Variants in DYNC2H1 observed in about 807,000 individuals in gnomAD.
DYNC2H1 encodes cytoplasmic dynein 2 heavy chain 1.
In DYNC2H1, 410 loss-of-function variants were observed where a neutral mutation model predicts 570.0. The observed-to-expected ratio is 0.72, with a 90% CI of 0.66 to 0.78. DYNC2H1 has a LOEUF of 0.78. Ranked by LOEUF, DYNC2H1 falls within the 30% of genes least tolerant of loss-of-function variation. DYNC2H1 has a pLI of 0.00. For missense variants in DYNC2H1, 4,865 were observed against 5,046.4 expected, an observed-to-expected ratio of 0.96 and a Z score of 1.09; for synonymous variants, 1,688 against 1,677.6, an observed-to-expected ratio of 1.01 and a Z score of -0.15.
At chr11:103,428,365 T>C (rs568162319) in intron 84 of DYNC2H1, among the ~76,000 whole-genome samples, 1 of 152,140 alleles carries the variant, frequency 6.6e-6, no homozygotes, top group East Asian at 1.9e-4. Flanking sequence ...TAGTCTATAT[T>C]CAATGAGCTC....
Position 103,468,702 on chromosome 11 carries a change from A to G in DYNC2H1, c.12762A>G (p.Pro4254=). 1 of 1,603,816 alleles carries G rather than the reference A, an allele frequency of 6.2e-7. No individual in the cohort carries two copies. The highest frequency in any genetic ancestry group is 1.1e-5 in the South Asian group (1 of 90,168). Residue 4254 remains proline, a synonymous_variant, in exon 88 of 89, where the codon CCA becomes CCG. Coordinates refer to ENST00000375735, the MANE Select transcript of DYNC2H1 (RefSeq NM_001377.3). Reference sequence around the variant, plus strand: ...TCCCTTGTTTTATGGGCTGGATTCCACAGGTAATACATTTTTAACAAGCAC... The same window carrying G: ...TCCCTTGTTTTATGGGCTGGATTCCGCAGGTAATACATTTTTAACAAGCAC... ...SVLPCFMGWI[P]QDACGPYSPD...
At chr11:103,260,539 G>T (rs1865231279) in intron 70 of DYNC2H1, among the ~76,000 whole-genome samples, 1 of 151,862 alleles carries the variant, frequency 6.6e-6, no homozygotes, top group Non-Finnish European at 1.5e-5. Flanking sequence ...TATTACGTGT[G>T]TTCCAGAAGA....
chr11:103,271,474 A>C (rs1228950637), intron 70 of DYNC2H1, among the ~76,000 whole-genome samples: 3 of 152,196 alleles, frequency 2.0e-5, no homozygotes, highest in African/African-American at 7.2e-5. Context: ...TTTCTTTTAT[A>C]CTTTTCATTG....
At chr11:103,294,285 T>C (rs1866732664) in intron 75 of DYNC2H1, among the ~76,000 whole-genome samples, 1 of 152,202 alleles carries the variant, frequency 6.6e-6, no homozygotes, top group African/African-American at 2.4e-5. Flanking sequence ...CATCATTGTC[T>C]GGACATTGAA....
chr11:103,293,956 A>C (rs577487767), intron 75 of DYNC2H1, among the ~76,000 whole-genome samples: 1 of 152,204 alleles, frequency 6.6e-6, no homozygotes, highest in East Asian at 1.9e-4. Flanking sequence ...AGGCGCCTCT[A>C]ATCCCAGCTA....
intron 85 of DYNC2H1, among the ~76,000 whole-genome samples, chr11:103,450,312 T>G (rs185859482): frequency 4.3e-4 from 66 of 152,298 alleles, no homozygotes; most frequent in African/African-American, 1.5e-3. Context: ...AGATAGCAGA[T>G]CAGTAAAGAT....
intron 17 of DYNC2H1, among the ~76,000 whole-genome samples, chr11:103,136,986 G>A (rs982481213): frequency 6.6e-6 from 1 of 151,350 alleles, no homozygotes; most frequent in African/African-American, 2.4e-5. Flanking sequence ...GTGATGGTGA[G>A]CATTTTTTCA....
At position 103,243,860 on chromosome 11, in the gene DYNC2H1, A is replaced by G. The variant is rs1313398371; in HGVS notation, c.9918+69A>G. On this transcript the variant is annotated intron_variant, in intron 64 of 88. Transcript: ENST00000375735. This position sits in a 1 kb window ranked among gnomAD's most constrained non-coding sequence, Gnocchi z 4.8. ...TTATAGTGAAAAGATCTTGGAGTCT[A>G]TAATCAGAAAACATAGATTCAACAC... 1.6e-6 allele frequency: 2 copies of G among 1,247,072 alleles called. No homozygotes were observed. Among genetic ancestry groups the G allele is most frequent in the South Asian group, 1.6e-5 (1 of 64,378 alleles). The allele number at this position is 1,247,072 out of a possible 1,614,324, so 77.3% of individuals were successfully genotyped here. A position where few individuals can be genotyped will look rare whatever the true frequency, so the allele number is the denominator to read the frequency against.
chr11:103,120,551 GA>G lies in DYNC2H1; in HGVS notation c.1106del (p.Asn369IlefsTer31). 6.2e-7 allele frequency: 1 copy of G among 1,613,054 alleles called. No individual in the cohort carries two copies. Among genetic ancestry groups the G allele is most frequent in the Non-Finnish European group, 8.5e-7 (1 of 1,179,434 alleles). Reference protein sequence around the residue: ...TRVFEPFTGLNPVQYNPYTEP... With the variant: ...TRVFEPFTGLXPVQYNPYTEP... ...GAGTATTTGAACCTTTTACTGGCCT[GA>G]ATCCTGTGCAATATAATCCATATAC... On this transcript the variant is annotated frameshift_variant, in exon 7 of 89. Transcript: ENST00000375735. LOFTEE classifies it high-confidence loss of function.
At position 103,477,101 on chromosome 11, in the gene DYNC2H1, A is replaced by G; in HGVS notation, c.12766-1994A>G. Among the ~76,000 whole-genome samples, 2 of 152,218 alleles carry G rather than the reference A, an allele frequency of 1.3e-5. 1 individual carries two copies. Among genetic ancestry groups the G allele is most frequent in the Non-Finnish European group, 2.9e-5 (2 of 68,040 alleles). ...CTATAATAGTGAAACTGATGTTCGG[A>G]GAGTAACCTCTACAGGGTCAGGAGC... On this transcript the variant is annotated intron_variant, in intron 88 of 88. Transcript: ENST00000375735.
At chr11:103,124,535 T>C (rs1031526260) in intron 11 of DYNC2H1, among the ~76,000 whole-genome samples, 1 of 151,900 alleles carries the variant, frequency 6.6e-6, no homozygotes, top group African/African-American at 2.4e-5. Context: ...CTGAATTTAG[T>C]TCAAGCATTT....
Position 103,160,971 on chromosome 11 carries a change from T to A in DYNC2H1, c.4418T>A (p.Ile1473Lys). Reference sequence around the variant, plus strand: ...TGCTTTGATGAGAAATCAAAACATATAACTGCAATGAAATCTTTAGAGGGA... The same window carrying A: ...TGCTTTGATGAGAAATCAAAACATAAAACTGCAATGAAATCTTTAGAGGGA... ...SVCFDEKSKH[I>K]TAMKSLEGEV... is the part of the protein sequence containing the mutation. The change falls in exon 29 of 89, where the codon ATA becomes AAA. Residue 1473 changes from isoleucine (I) to lysine (K), a missense_variant. Transcript: ENST00000375735. 6.4e-7 allele frequency: 1 copy of A among 1,573,110 alleles called. No individual in the cohort carries two copies. Among genetic ancestry groups the A allele is most frequent in the Non-Finnish European group, 8.6e-7 (1 of 1,162,504 alleles).
At chr11:103,443,848 A>T (rs1944347389) in intron 85 of DYNC2H1, among the ~76,000 whole-genome samples, 1 of 151,932 alleles carries the variant, frequency 6.6e-6, no homozygotes, top group African/African-American at 2.4e-5. Flanking sequence ...GGATATTTTT[A>T]AAATATTTGA....
chr11:103,118,962 T>G (rs996621512), intron 6 of DYNC2H1, among the ~76,000 whole-genome samples: 1 of 152,064 alleles, frequency 6.6e-6, no homozygotes, highest in Non-Finnish European at 1.5e-5. Flanking sequence ...CATGAAGAGT[T>G]ACAAAATGGT....
chr11:103,464,768 A>C (rs1945139652), intron 87 of DYNC2H1, among the ~76,000 whole-genome samples: 1 of 152,184 alleles, frequency 6.6e-6, no homozygotes, highest in Admixed American at 6.5e-5. Flanking sequence ...GACCACAAGA[A>C]TTCACCACTC....
intron 13 of DYNC2H1, among the ~76,000 whole-genome samples, chr11:103,130,804 A>C (rs1427499296): frequency 6.6e-6 from 1 of 152,176 alleles, no homozygotes; most frequent in Non-Finnish European, 1.5e-5. Context: ...TGAGGAGGAA[A>C]CTTATTTTGT....
At chr11:103,150,483 C>T (rs920305951) in intron 20 of DYNC2H1, among the ~76,000 whole-genome samples, 21 of 152,040 alleles carry the variant, frequency 1.4e-4, no homozygotes, top group Non-Finnish European at 2.4e-4. Context: ...TTGGCTTGAG[C>T]AGCTGGGAAA....
At chr11:103,265,066 A>G (rs1408579486) in intron 70 of DYNC2H1, among the ~76,000 whole-genome samples, 1 of 152,222 alleles carries the variant, frequency 6.6e-6, no homozygotes, top group Non-Finnish European at 1.5e-5. Context: ...TTGCAGGGAC[A>G]TGGATGAAGC....
chr11:103,419,715 G>A (rs1039523325), intron 84 of DYNC2H1, among the ~76,000 whole-genome samples: 2 of 152,222 alleles, frequency 1.3e-5, no homozygotes, highest in Non-Finnish European at 2.9e-5. Flanking sequence ...TGAAAAGCCA[G>A]AGTGCCTCTT....
Sources: allele counts gnomAD v4.1 joint callset (sites outside exome capture counted in the v4.1 genomes callset), GRCh38; gene constraint gnomAD v4.1.1; non-coding constraint Gnocchi (gnomAD v3.1); transcripts MANE v1.5; gene names NCBI Gene and HGNC (gene_info 2026-07-23, HGNC 2026-07-21).